Variants in TH observed in about 807,000 individuals in gnomAD.
TH encodes the protein tyrosine 3-monooxygenase.
A neutral mutation model predicts 57.4 loss-of-function variants in TH; 49 were observed. The observed-to-expected ratio is 0.85, with a 90% CI of 0.68 to 1.08. The LOEUF (loss-of-function observed/expected upper bound fraction) is 1.08. Among genes scored for constraint, TH ranks in the 50% least tolerant of loss-of-function variants. TH has a pLI of 0.00. For missense variants in TH, 720 were observed against 696.7 expected (o/e 1.03, Z -0.38); for synonymous variants, 330 against 304.5 (o/e 1.08, Z -0.87).
At chr11:2,166,413 C>G (rs1846091172) in intron 9 of TH, 67 bp downstream of exon 9, 1 of 1,517,020 alleles carries the variant, frequency 6.6e-7, no homozygotes, top group Admixed American at 2.0e-5. Flanking sequence ...GCACATCGAT[C>G]CCCGCCCGCC....
chr11:2,165,112 G>T (rs1846050381), intron 12 of TH, 120 bp downstream of exon 12: 2 of 1,473,400 alleles, frequency 1.4e-6, no homozygotes, highest in African/African-American at 1.4e-5. Context: ...GCAACCAGGG[G>T]TCGGTTTTCT....
Position 2,168,313 on chromosome 11 carries a change from C to A in TH, c.488-134G>T, listed in dbSNP as rs577654551. 68 of 1,343,708 alleles carry A rather than the reference C, an allele frequency of 5.1e-5. No homozygotes were observed. The African/African-American group carries it at 9.0e-4, about 18-fold the overall frequency. 83.2% of individuals were successfully genotyped at this position (1,343,708 alleles called of 1,614,324 possible). Reference sequence around the variant, plus strand: ...GGGGCTGTGAGAGCTGCGGGGGGATCCTGGAGTGGCCCCAGGCCCGGACAC... The same window carrying A: ...GGGGCTGTGAGAGCTGCGGGGGGATACTGGAGTGGCCCCAGGCCCGGACAC... On this transcript the variant is annotated intron_variant, in intron 3 of 12. Coordinates refer to ENST00000352909, the MANE Select transcript of TH (RefSeq NM_000360.4).
At chr11:2,167,510 A>G (rs1846132885) in intron 5 of TH, 25 bp from the exon 6 acceptor site, 2 of 1,552,940 alleles carry the variant, frequency 1.3e-6, no homozygotes, top group Non-Finnish European at 8.7e-7. Context: ...AGTGGTCAGC[A>G]GGTCCCCTCG....
Position 2,167,206 on chromosome 11 carries a change from A to G in TH, c.696-174T>C, listed in dbSNP as rs67482701. The G allele has an allele frequency of 0.29, 316,372 of 1,084,574 alleles. 50,207 individuals are homozygous for G. The highest frequency in any genetic ancestry group is 0.34 in the Non-Finnish European group (258,337 of 767,798). 67.2% of individuals were successfully genotyped at this position (1,084,574 alleles called of 1,614,324 possible). On this transcript the variant is annotated intron_variant, in intron 6 of 12. Transcript: ENST00000352909. Reference sequence around the variant, plus strand: ...TTTGCTGGTGGCTTTAGGGAATCCCAGGGGATAGGGGGCCATGAGGGGCGG... The same window carrying G: ...TTTGCTGGTGGCTTTAGGGAATCCCGGGGGATAGGGGGCCATGAGGGGCGG...
At chr11:2,167,728 C>G in intron 5 of TH, 138 bp downstream of exon 5, 3 of 1,238,208 alleles carry the variant, frequency 2.4e-6, no homozygotes, top group Non-Finnish European at 2.3e-6. Context: ...ATGGAAAGCC[C>G]TGGAGCAGAG....
In TH at chr11:2,164,223, C is replaced by T. The variant is rs375879615; in HGVS notation, c.*10G>A. On this transcript the variant is annotated 3_prime_UTR_variant, in exon 13 of 13. Coordinates refer to ENST00000352909, the MANE Select transcript of TH (RefSeq NM_000360.4). ...GGAGGTTGGGAAGGGCCCTCAGGGA[C>T]GCCGTGCACCTAGCCAATGGCACTC... 1.6e-4 allele frequency: 224 copies of T among 1,441,234 alleles called. No individual in the cohort carries two copies. The South Asian group carries it at 1.6e-3, about 10-fold the overall frequency. The allele number at this position is 1,441,234 out of a possible 1,614,324, so 89.3% of individuals were successfully genotyped here.
intron 12 of TH, 40 bp from the exon 13 acceptor site, chr11:2,164,432 CAG>C: frequency 1.3e-6 from 2 of 1,542,206 alleles, no homozygotes; most frequent in South Asian, 2.4e-5. Context: ...AACTGGCGGG[CAG>C]AGTCTGCAGC....
rs1295679106 is a variant in TH, at chr11:2,169,696, C to T, written c.266G>A (p.Arg89Lys). ...KAVLNLLFSP[R>K]ATKPSALSRA... Reference sequence around the variant, plus strand: ...GGACAGCGCCGAGGGCTTGGTGGCCCTCGGGGAGAAGAGCAGGTTTAGCAC... The same window carrying T: ...GGACAGCGCCGAGGGCTTGGTGGCCTTCGGGGAGAAGAGCAGGTTTAGCAC... The change falls in exon 2 of 13, where the codon AGG (arginine) becomes AAG (lysine). Residue 89 changes from arginine (R) to lysine (K), a missense_variant. Arg to Lys is a conservative substitution (Grantham distance 26). Coordinates refer to ENST00000352909, the MANE Select transcript of TH (RefSeq NM_000360.4). 6.2e-7 allele frequency: 1 copy of T among 1,613,418 alleles called. No individual in the cohort carries two copies. The highest frequency in any genetic ancestry group is 1.1e-5 in the South Asian group (1 of 91,052).
chr11:2,165,063 C>T (rs1200136432), intron 12 of TH, among the ~76,000 whole-genome samples, 169 bp downstream of exon 12: 1 of 152,208 alleles, frequency 6.6e-6, no homozygotes, highest in Non-Finnish European at 1.5e-5. Context: ...ACGCTGGGGT[C>T]CTTCTCACGG....
intron 9 of TH, 134 bp from the exon 10 acceptor site, chr11:2,166,192 GC>G: frequency 9.3e-7 from 1 of 1,071,430 alleles, no homozygotes; most frequent in Non-Finnish European, 1.4e-6. Flanking sequence ...TTCCCTGGCC[GC>G]CCAGGATCCG....
chr11:2,168,978 A>G (rs1032740290), intron 2 of TH, among the ~76,000 whole-genome samples: 1 of 152,170 alleles, frequency 6.6e-6, no homozygotes, highest in Non-Finnish European at 1.5e-5. Context: ...CCGGCTCCTC[A>G]GCCACTGGTC....
chr11:2,167,732 A>G, intron 5 of TH, 134 bp downstream of exon 5: 1 of 1,242,800 alleles, frequency 8.0e-7, no homozygotes. Flanking sequence ...AAAGCCCTGG[A>G]GCAGAGCTGC....
At chr11:2,169,918 G>A (rs181865940) in intron 1 of TH, 47 bp from the exon 2 acceptor site, 52 of 1,561,672 alleles carry the variant, frequency 3.3e-5, no homozygotes, top group African/African-American at 3.1e-4. Flanking sequence ...GCTGAGACCC[G>A]GGGACCTCCA....
At position 2,163,984 on chromosome 11, in the gene TH, G is replaced by T. The variant is rs1485209247; in HGVS notation, c.*249C>A. 2 of 377,072 alleles carry T rather than the reference G, an allele frequency of 5.3e-6. No homozygotes were observed. Among genetic ancestry groups the T allele is most frequent in the Non-Finnish European group, 9.4e-6 (2 of 212,352 alleles). 23.4% of individuals were successfully genotyped at this position (377,072 alleles called of 1,614,324 possible). The stretch of plus-strand genomic sequence containing the variant: ...TGATTGGGGCAGCAGACAGTGTCAG[G>T]GAAGGGCGGAGGGCAGTGCAGCAGC... On this transcript the variant is annotated 3_prime_UTR_variant, in exon 13 of 13. Transcript: ENST00000352909.
In TH at chr11:2,168,109, G is replaced by A. The variant is rs781341540; in HGVS notation, c.558C>T (p.Asp186=). The change falls in exon 4 of 13, where the codon GAC becomes GAT. Residue 186 remains aspartate (D), a synonymous_variant. Transcript: ENST00000352909. The part of the protein sequence containing the change: ...CHHLVTKFDP[D]LDLDHPGFSD... ...CACTCACCGGGTGGTCCAAGTCCAG[G>A]TCAGGGTCGAACTTGGTGACCAGGT... 2.5e-6 allele frequency: 4 copies of A among 1,613,544 alleles called. No homozygotes were observed. The highest frequency in any genetic ancestry group is 3.4e-6 in the Non-Finnish European group (4 of 1,180,006).
chr11:2,166,392 T>G, intron 9 of TH, 88 bp downstream of exon 9: 1 of 1,482,106 alleles, frequency 6.7e-7, no homozygotes, highest in Non-Finnish European at 9.0e-7. Flanking sequence ...GGCAGCACAC[T>G]TCACCCACCC....
chr11:2,167,478 G>C lies in TH; in HGVS notation c.652C>G (p.Pro218Ala). 6.4e-7 allele frequency: 1 copy of C among 1,560,504 alleles called. No individual in the cohort carries two copies. Among genetic ancestry groups the C allele is most frequent in the African/African-American group, 1.4e-5 (1 of 73,922 alleles). ...EIAFQYRHGD[P>A]IPRVEYTAEE... The stretch of plus-strand genomic sequence containing the variant: ...GCGGTGTACTCCACACGGGGAATCG[G>C]GTCGCCGCTGGGGAGGGGGCCAGTG... The change falls in exon 6 of 13, where the codon CCG (proline) becomes GCG (alanine). Residue 218 changes from proline to alanine, a missense_variant. Transcript: ENST00000352909.
At chr11:2,164,613 G>C (rs966177617) in intron 12 of TH, among the ~76,000 whole-genome samples, 2 of 152,120 alleles carry the variant, frequency 1.3e-5, no homozygotes, top group Non-Finnish European at 1.5e-5. Flanking sequence ...ACTAGAGACT[G>C]CCGGGCACCC....
intron 5 of TH, 171 bp downstream of exon 5, chr11:2,167,695 T>C: frequency 9.0e-7 from 1 of 1,115,570 alleles, no homozygotes; most frequent in Non-Finnish European, 1.3e-6. Context: ...TGGGCCTCAG[T>C]TTCCCCACTG....
Sources: allele counts gnomAD v4.1 joint callset (sites outside exome capture counted in the v4.1 genomes callset), GRCh38; gene constraint gnomAD v4.1.1; transcripts MANE v1.5; gene names NCBI Gene and HGNC (gene_info 2026-07-23, HGNC 2026-07-21).